Variants in GPM6B observed in about 807,000 individuals in gnomAD.
The protein encoded by GPM6B is glycoprotein M6B.
A neutral mutation model predicts 27.2 loss-of-function variants in GPM6B; 4 were observed. The ratio of observed to expected loss-of-function variants is 0.15; its 90% CI spans 0.07 to 0.34. The LOEUF (loss-of-function observed/expected upper bound fraction) is 0.34, where lower values mean the gene tolerates loss of function less well. Ranked by LOEUF, GPM6B falls within the 10% of genes least tolerant of loss-of-function variation. The pLI is 1.00. For synonymous variants in GPM6B, 124 were observed against 103.1 expected, an observed-to-expected ratio of 1.20 and a Z score of -1.23; for missense variants, 183 against 261.9, an observed-to-expected ratio of 0.70 and a Z score of 2.08.
chrX:13,792,462 T>C (rs2048730972), intron 2 of GPM6B, among the ~76,000 whole-genome samples: 1 of 111,505 alleles, frequency 9.0e-6, no homozygotes, highest in African/African-American at 3.3e-5. Flanking sequence ...CAGTTTTGGT[T>C]GTTACAACTG....
chrX:13,819,645 A>C (rs770059216), upstream of GPM6B, among the ~76,000 whole-genome samples: 11 of 111,988 alleles, frequency 9.8e-5, no homozygotes, highest in Non-Finnish European at 1.9e-5. Flanking sequence ...CAGCTCAGTA[A>C]ACATGCATGA....
intron 1 of GPM6B, among the ~76,000 whole-genome samples, chrX:13,884,007 C>G (rs1484057288): frequency 2.7e-5 from 3 of 111,344 alleles, no homozygotes; most frequent in East Asian, 5.6e-4. Context: ...AAAACTCTGT[C>G]TCTACTAAAA....
intron 1 of GPM6B, among the ~76,000 whole-genome samples, chrX:13,816,475 G>A (rs2049236002): frequency 9.0e-6 from 1 of 111,626 alleles, no homozygotes; most frequent in Non-Finnish European, 1.9e-5. Context: ...TTCCTCCTCA[G>A]CATTAGCAGA....
intron 1 of GPM6B, among the ~76,000 whole-genome samples, chrX:13,833,016 T>C (rs1302737624): frequency 3.6e-5 from 4 of 112,040 alleles, no homozygotes; most frequent in African/African-American, 1.3e-4. Flanking sequence ...CCTGTAGTCT[T>C]AGCTACTCAA....
At chrX:13,921,580 C>T (rs765095985) in intron 1 of GPM6B, among the ~76,000 whole-genome samples, 3 of 54,207 alleles carry the variant, frequency 5.5e-5, no homozygotes, top group East Asian at 3.7e-4. Context: ...TAACCCCCCC[C>T]CTTTTTTTTT....
At chrX:13,825,587 A>G (rs1326506415) in intron 1 of GPM6B, among the ~76,000 whole-genome samples, 2 of 112,937 alleles carry the variant, frequency 1.8e-5, no homozygotes, top group Non-Finnish European at 3.7e-5. Flanking sequence ...GGCAAAGGCC[A>G]CTGAAATGGA....
intron 1 of GPM6B, among the ~76,000 whole-genome samples, chrX:13,918,256 CACA>C (rs1207362821): frequency 8.8e-6 from 1 of 113,045 alleles, no homozygotes; most frequent in Non-Finnish European, 1.9e-5. Context: ...AATGAACGTG[CACA>C]ACGACAGTTG....
chrX:13,838,845 A>G (rs745789857), intron 1 of GPM6B, among the ~76,000 whole-genome samples: 39 of 111,638 alleles, frequency 3.5e-4, no homozygotes, highest in African/African-American at 1.2e-3. Flanking sequence ...CTAGGTGCTC[A>G]GCTCTGCCCA....
chrX:13,868,931 T>C (rs2049946969), intron 1 of GPM6B, among the ~76,000 whole-genome samples: 5 of 111,885 alleles, frequency 4.5e-5, no homozygotes, highest in Non-Finnish European at 9.4e-5. Flanking sequence ...ACAATGCTGT[T>C]TGGGATGCTT....
chrX:13,877,666 A>C (rs1451668293), intron 1 of GPM6B, among the ~76,000 whole-genome samples: 1 of 105,848 alleles, frequency 9.4e-6, no homozygotes, highest in Non-Finnish European at 1.9e-5. Flanking sequence ...TACAAAAAAA[A>C]CCCCTGAAAA....
chrX:13,799,402 A>AT (rs377057396), intron 2 of GPM6B, among the ~76,000 whole-genome samples: 74 of 63,800 alleles, frequency 1.2e-3, no homozygotes, highest in African/African-American at 3.4e-3. Context: ...TATTATTATT[A>AT]TTTTTTTTTT....
At chrX:13,839,250 C>T (rs2147226749) in intron 1 of GPM6B, among the ~76,000 whole-genome samples, 1 of 111,774 alleles carries the variant, frequency 8.9e-6, no homozygotes, top group African/African-American at 3.3e-5. Context: ...ATCAGGAAAT[C>T]TTTAAATGCA....
intron 1 of GPM6B, among the ~76,000 whole-genome samples, chrX:13,855,522 C>G (rs912564639): frequency 1.2e-4 from 13 of 112,157 alleles, no homozygotes; most frequent in African/African-American, 3.9e-4. Context: ...GTTTATGTAT[C>G]TAGTCTAATT....
At chrX:13,828,075 G>T (rs980129714) in intron 1 of GPM6B, among the ~76,000 whole-genome samples, 3 of 111,123 alleles carry the variant, frequency 2.7e-5, no homozygotes, top group African/African-American at 9.8e-5. Flanking sequence ...AATGATCTGA[G>T]CAACAGAAAG....
chrX:13,823,110 T>C (rs2049330050), intron 1 of GPM6B, among the ~76,000 whole-genome samples: 1 of 112,871 alleles, frequency 8.9e-6, no homozygotes, highest in Non-Finnish European at 1.9e-5. Flanking sequence ...CTTCTTGTAT[T>C]TTCTGAGTAC....
chrX:13,906,472 A>G (rs2050332424), intron 1 of GPM6B, among the ~76,000 whole-genome samples: 1 of 111,768 alleles, frequency 8.9e-6, no homozygotes, highest in Admixed American at 9.5e-5. Context: ...TAAGTATTGG[A>G]GATTTGATAC....
chrX:13,808,308 T>C (rs1018892591), intron 1 of GPM6B, among the ~76,000 whole-genome samples: 1 of 112,107 alleles, frequency 8.9e-6, no homozygotes, highest in Non-Finnish European at 1.9e-5. Flanking sequence ...ACTCAGAACG[T>C]CAGAGTCTAG....
chrX:13,779,813 A>C lies in GPM6B; in HGVS notation c.697+5T>G. 1 of 1,155,267 alleles carries C rather than the reference A, an allele frequency of 8.7e-7. No homozygotes were observed. The highest frequency in any genetic ancestry group is 1.2e-6 in the Non-Finnish European group (1 of 856,575). The stretch of plus-strand genomic sequence containing the variant: ...CTGGGGGAGGGGTGAATTAGAAGGA[A>C]GTACCGTATTGTCGGATATCCACAC... On this transcript the variant is annotated splice_donor_5th_base_variant and intron_variant, in intron 5 of 7. Transcript: ENST00000316715.
intron 1 of GPM6B, among the ~76,000 whole-genome samples, chrX:13,927,989 C>T (rs868704275): frequency 8.0e-5 from 9 of 111,875 alleles, no homozygotes; most frequent in African/African-American, 2.9e-4. Flanking sequence ...GTTCTACACA[C>T]GAAAGCATTT....
Sources: allele counts gnomAD v4.1 joint callset (sites outside exome capture counted in the v4.1 genomes callset), GRCh38; gene constraint gnomAD v4.1.1; transcripts MANE v1.5; gene names NCBI Gene and HGNC (gene_info 2026-07-23, HGNC 2026-07-21).